GALNT9: variants seen among roughly 807,000 people sequenced by gnomAD.
GALNT9 encodes GalNAc transferase 9.
A neutral mutation model predicts 63.1 loss-of-function variants in GALNT9; 47 were observed. The observed-to-expected ratio is 0.75, with a 90% CI of 0.59 to 0.95. The LOEUF (loss-of-function observed/expected upper bound fraction) is 0.95, where lower values mean the gene tolerates loss of function less well. Ranked by LOEUF, GALNT9 falls within the 40% of genes least tolerant of loss-of-function variation. GALNT9 has a pLI of 0.00. For synonymous variants in GALNT9, 396 were observed against 365.7 expected (o/e 1.08, Z -0.94); for missense variants, 829 against 874.8 (o/e 0.95, Z 0.66).
At position 132,223,164 on chromosome 12, in the gene GALNT9, ACACAACCCACACCG is replaced by A. The variant is rs1877538577; in HGVS notation, c.1078-19488_1078-19475del. Among the ~76,000 whole-genome samples the A allele has an allele frequency of 4.3e-3, 391 of 91,042 alleles. 12 individuals carry two copies. The highest frequency in any genetic ancestry group is 7.4e-3 in the Non-Finnish European group (330 of 44,840). The allele number at this position is 91,042 out of a possible 152,430, so 59.7% of individuals were successfully genotyped here. ...ACACACACCACACAACCCACACACC[ACACAACCCACACCG>A]CACACAACCCACACCCCACATACAC... On this transcript the variant is annotated intron_variant, in intron 6 of 10. Transcript: ENST00000328957.
chr12:132,307,202 C>T (rs1881646930), intron 1 of GALNT9, among the ~76,000 whole-genome samples: 1 of 152,078 alleles, frequency 6.6e-6, no homozygotes, highest in South Asian at 2.1e-4. Context: ...CCCAGGGACT[C>T]GGGTCCAGAG....
At chr12:132,215,688 C>A (rs1022250883) in intron 6 of GALNT9, among the ~76,000 whole-genome samples, 1 of 152,218 alleles carries the variant, frequency 6.6e-6, no homozygotes, top group African/African-American at 2.4e-5. Context: ...CCGGGTCCCA[C>A]GAGGCCGGGC....
intron 6 of GALNT9, among the ~76,000 whole-genome samples, chr12:132,222,633 T>G (rs1877492470): frequency 6.6e-6 from 1 of 151,914 alleles, no homozygotes; most frequent in Non-Finnish European, 1.5e-5. Context: ...GCACTCAGGC[T>G]NGTTAGCCAC....
rs775294848 is a variant in GALNT9, at chr12:132,199,157, G to T, written c.1497+17C>A. 2.7e-5 allele frequency: 42 copies of T among 1,546,508 alleles called. No individual in the cohort carries two copies. The East Asian group carries it at 9.4e-4, about 35-fold the overall frequency. ...CGTCCCCTTGGGAGCTGCATGGGTGGCCGCTGCTACTCCTACCTGGGAGGA... is the reference window on the plus strand; with the variant it reads ...CGTCCCCTTGGGAGCTGCATGGGTGTCCGCTGCTACTCCTACCTGGGAGGA... On this transcript the variant is annotated intron_variant, in intron 9 of 10. Transcript: ENST00000328957.
chr12:132,254,025 C>CT (rs1348088057), intron 5 of GALNT9, among the ~76,000 whole-genome samples: 69 of 93,640 alleles, frequency 7.4e-4, no homozygotes, highest in African/African-American at 1.1e-3. Flanking sequence ...ACTGTTTTTT[C>CT]TTTTTTTTTT....
intron 4 of GALNT9, among the ~76,000 whole-genome samples, chr12:132,259,152 C>G (rs548870267): frequency 1.3e-5 from 2 of 152,230 alleles, no homozygotes; most frequent in Non-Finnish European, 2.9e-5. Context: ...GCCAGGTCTT[C>G]TAATAAGGCA....
At chr12:132,197,356 C>G in intron 10 of GALNT9, 103 bp from the exon 11 acceptor site, 1 of 1,495,338 alleles carries the variant, frequency 6.7e-7, no homozygotes, top group South Asian at 1.3e-5. Flanking sequence ...CGTGCTCATT[C>G]TTGGGGCAGC....
chr12:132,236,120 A>T lies in GALNT9; in HGVS notation c.1077+11790T>A, dbSNP rs1160454670. 1.3e-5 allele frequency among the ~76,000 whole-genome samples: 2 copies of T among 148,952 alleles called. No homozygotes were observed. Among genetic ancestry groups the T allele is most frequent in the African/African-American group, 2.5e-5 (1 of 40,210 alleles). ...AGGGCAGGAGGGTCCCCCGGGCTGGAGTTCAACCCTCGGGACAGGGCAGAA... is the reference window on the plus strand; with the variant it reads ...AGGGCAGGAGGGTCCCCCGGGCTGGTGTTCAACCCTCGGGACAGGGCAGAA... On this transcript the variant is annotated intron_variant, in intron 6 of 10. Transcript: ENST00000328957. The surrounding 1 kb of genome is among the most constrained non-coding windows in gnomAD (Gnocchi z 5.6).
chr12:132,243,751 G>A (rs1333863948), intron 6 of GALNT9, among the ~76,000 whole-genome samples: 1 of 152,090 alleles, frequency 6.6e-6, no homozygotes, highest in Non-Finnish European at 1.5e-5. Flanking sequence ...ATGCCACCAC[G>A]CACCGGCTGG....
At chr12:132,230,304 G>A (rs1877844166) in intron 6 of GALNT9, among the ~76,000 whole-genome samples, 1 of 152,178 alleles carries the variant, frequency 6.6e-6, no homozygotes, top group African/African-American at 2.4e-5. Flanking sequence ...GCCTTCCCGA[G>A]TTCCTGACCC....
At chr12:132,289,277 C>A (rs1176919309) in intron 1 of GALNT9, among the ~76,000 whole-genome samples, 1 of 152,240 alleles carries the variant, frequency 6.6e-6, no homozygotes, top group Non-Finnish European at 1.5e-5. Flanking sequence ...TTTTCATTCT[C>A]TTGGTTTTCA....
At chr12:132,259,740 C>T (rs1443212177) in intron 4 of GALNT9, among the ~76,000 whole-genome samples, 3 of 152,206 alleles carry the variant, frequency 2.0e-5, no homozygotes, top group Admixed American at 1.3e-4. Context: ...CATGACAGTC[C>T]CAGCCTCCGT....
intron 6 of GALNT9, among the ~76,000 whole-genome samples, chr12:132,239,577 CAG>C (rs1376903783): frequency 7.2e-6 from 1 of 139,244 alleles, no homozygotes; most frequent in Non-Finnish European, 1.6e-5. Context: ...GACACAGAGA[CAG>C]AGACACAGAG....
intron 6 of GALNT9, among the ~76,000 whole-genome samples, chr12:132,237,206 C>T (rs1878037086): frequency 6.6e-6 from 1 of 152,110 alleles, no homozygotes; most frequent in African/African-American, 2.4e-5. Context: ...ACGTGGAGCT[C>T]CTGTATCTGC....
At chr12:132,251,091 C>T (rs1878899763) in intron 5 of GALNT9, among the ~76,000 whole-genome samples, 3 of 152,196 alleles carry the variant, frequency 2.0e-5, no homozygotes, top group South Asian at 2.1e-4. Context: ...GAAACCTCGC[C>T]GTGCAAGACC....
At position 132,319,951 on chromosome 12, in the gene GALNT9, G is replaced by A. The variant is rs892255020; in HGVS notation, c.238+9015C>T. ...CGAGGCAGGCGCTCCTAAGGAAAAG[G>A]GGGCGGCCAGCGGCCCCCACCGCTG... On this transcript the variant is annotated intron_variant, in intron 1 of 10. Coordinates refer to ENST00000328957, the MANE Select transcript of GALNT9 (RefSeq NM_001122636.2). The surrounding 1 kb of genome is among the most constrained non-coding windows in gnomAD (Gnocchi z 5.2). Among the ~76,000 whole-genome samples, 2 of 152,190 alleles carry A rather than the reference G, an allele frequency of 1.3e-5. No homozygotes were observed. The highest frequency in any genetic ancestry group is 2.9e-5 in the Non-Finnish European group (2 of 68,022).
intron 1 of GALNT9, among the ~76,000 whole-genome samples, chr12:132,288,406 G>A (rs1555242396): frequency 6.6e-6 from 1 of 152,230 alleles, no homozygotes; most frequent in Non-Finnish European, 1.5e-5. Context: ...AATCCTGTGA[G>A]ATAAATACGT....
intron 6 of GALNT9, among the ~76,000 whole-genome samples, chr12:132,204,518 C>T (rs1013362550): frequency 2.6e-5 from 4 of 152,136 alleles, no homozygotes; most frequent in African/African-American, 9.7e-5. Flanking sequence ...CTGCTCGATT[C>T]GGGCTGGGAC....
At chr12:132,249,505 G>A (rs193152670) in intron 5 of GALNT9, among the ~76,000 whole-genome samples, 85 of 152,194 alleles carry the variant, frequency 5.6e-4, no homozygotes, top group African/African-American at 1.9e-3. Flanking sequence ...ATTAGATTTC[G>A]GCCACAAACC....
Sources: allele counts gnomAD v4.1 joint callset (sites outside exome capture counted in the v4.1 genomes callset), GRCh38; gene constraint gnomAD v4.1.1; non-coding constraint Gnocchi (gnomAD v3.1); transcripts MANE v1.5; gene names NCBI Gene and HGNC (gene_info 2026-07-23, HGNC 2026-07-21).